Variants in MBP observed in about 807,000 individuals in gnomAD.
MBP encodes the protein Golli-MBP.
In MBP, 16 loss-of-function variants were observed where a neutral mutation model predicts 35.8. The ratio of observed to expected loss-of-function variants is 0.45; its 90% CI spans 0.30 to 0.68. The LOEUF (loss-of-function observed/expected upper bound fraction) is 0.68. MBP is among the 30% of genes least tolerant of loss of function. MBP has a pLI of 0.08. For synonymous variants in MBP, 143 were observed against 159.6 expected (o/e 0.90, Z 0.78); for missense variants, 380 against 404.7 (o/e 0.94, Z 0.52).
chr18:77,036,502 C>T (rs1312153653), intron 3 of MBP, among the ~76,000 whole-genome samples: 1 of 117,564 alleles, frequency 8.5e-6, no homozygotes, highest in Non-Finnish European at 1.7e-5. Context: ...GTGCTGGTCA[C>T]ATTTTGGAGA....
chr18:77,058,556 C>T lies in MBP; in HGVS notation c.139+7742G>A, dbSNP rs930457298. ...GGACGAGCTGTTCCAGCACCACCCCCGCCCCCGCGTGCAGAATCCTGAGCA... is the reference window on the plus strand; with the variant it reads ...GGACGAGCTGTTCCAGCACCACCCCTGCCCCCGCGTGCAGAATCCTGAGCA... On this transcript the variant is annotated intron_variant, in intron 3 of 8. Transcript: ENST00000355994. Among the ~76,000 whole-genome samples the T allele has an allele frequency of 3.9e-5, 6 of 152,216 alleles. No homozygotes were observed. In the East Asian group the frequency reaches 7.7e-4, roughly 20 times the overall value.
intron 3 of MBP, among the ~76,000 whole-genome samples, chr18:77,026,331 G>A (rs1048657760): frequency 4.6e-5 from 7 of 152,200 alleles, no homozygotes; most frequent in Admixed American, 1.3e-4. Context: ...CTAAAGCCAG[G>A]GGTTTTCAGG....
intron 1 of MBP, among the ~76,000 whole-genome samples, chr18:77,119,282 C>A (rs1976814137): frequency 6.6e-6 from 1 of 152,132 alleles, no homozygotes; most frequent in South Asian, 2.1e-4. Flanking sequence ...ACTGCCCGAG[C>A]ACTGTTCTGC....
At chr18:77,084,398 C>T (rs564757005) in intron 2 of MBP, among the ~76,000 whole-genome samples, 1 of 128,734 alleles carries the variant, frequency 7.8e-6, no homozygotes, top group African/African-American at 2.9e-5. Flanking sequence ...TGCAAAAAGA[C>T]CATCACAACA....
At chr18:77,051,301 C>T (rs551270316) in intron 3 of MBP, among the ~76,000 whole-genome samples, 267 of 152,274 alleles carry the variant, frequency 1.8e-3, no homozygotes, top group African/African-American at 5.8e-3. Context: ...CACTTGCGGG[C>T]GAATGACGCG....
chr18:77,129,300 T>C (rs1306689495), intron 1 of MBP, among the ~76,000 whole-genome samples: 6 of 152,244 alleles, frequency 3.9e-5, no homozygotes, highest in Admixed American at 1.3e-4. Flanking sequence ...TAATGGCTAT[T>C]GAGTGTGAGA....
chr18:76,985,027 C>T, intron 7 of MBP, 133 bp from the exon 8 acceptor site: 1 of 1,497,856 alleles, frequency 6.7e-7, no homozygotes, highest in South Asian at 1.2e-5. Flanking sequence ...GTTCAGGAGC[C>T]ACGGGCCAGC....
At chr18:77,077,797 C>A (rs562130402) in intron 2 of MBP, among the ~76,000 whole-genome samples, 1 of 152,342 alleles carries the variant, frequency 6.6e-6, no homozygotes, top group South Asian at 2.1e-4. Flanking sequence ...ACAAAACTAA[C>A]AATTTTCTTT....
chr18:76,984,378 T>C (rs470550), intron 8 of MBP: 118,633 of 221,336 alleles, frequency 0.54, 32,519 homozygotes, highest in East Asian at 0.73. Context: ...TCCTGGGCAT[T>C]CCCTCCCGTG....
chr18:77,098,274 GACTC>G (rs947906911), intron 2 of MBP, among the ~76,000 whole-genome samples: 14 of 148,830 alleles, frequency 9.4e-5, no homozygotes, highest in African/African-American at 3.0e-4. Flanking sequence ...CACACATGTG[GACTC>G]ACTCACTTTA....
intron 7 of MBP, 67 bp from the exon 8 acceptor site, chr18:76,984,961 G>A: frequency 1.3e-6 from 2 of 1,596,420 alleles, no homozygotes; most frequent in Non-Finnish European, 1.7e-6. Flanking sequence ...GAGCCACTGG[G>A]AGCTGCCACC....
intron 2 of MBP, among the ~76,000 whole-genome samples, chr18:77,066,756 G>A (rs1001639036): frequency 6.6e-6 from 1 of 152,260 alleles, no homozygotes; most frequent in African/African-American, 2.4e-5. Context: ...CTGACGCCAG[G>A]CCTTACTCCT....
At chr18:77,085,134 A>C (rs1568332123) in intron 2 of MBP, among the ~76,000 whole-genome samples, 1 of 152,200 alleles carries the variant, frequency 6.6e-6, no homozygotes, top group Non-Finnish European at 1.5e-5. Flanking sequence ...AGAGGAATGC[A>C]ATGGAATACT....
intron 3 of MBP, among the ~76,000 whole-genome samples, chr18:77,022,895 T>C (rs927329466): frequency 9.2e-5 from 14 of 152,258 alleles, no homozygotes; most frequent in African/African-American, 2.9e-4. Context: ...GTCGTTAATA[T>C]TGCCTTCAGT....
intron 1 of MBP, among the ~76,000 whole-genome samples, chr18:77,121,506 C>T (rs563156028): frequency 1.3e-5 from 2 of 152,208 alleles, no homozygotes; most frequent in Admixed American, 6.5e-5. Flanking sequence ...TGAGTTCTCC[C>T]GCCCTGCATA....
intron 3 of MBP, among the ~76,000 whole-genome samples, chr18:77,058,349 G>A (rs1973826434): frequency 6.6e-6 from 1 of 152,206 alleles, no homozygotes; most frequent in South Asian, 2.1e-4. Context: ...CACGCTGCGG[G>A]GAGGCCAAAC....
intron 3 of MBP, among the ~76,000 whole-genome samples, chr18:77,035,658 GA>G (rs1048055785): frequency 1.4e-5 from 2 of 147,694 alleles, no homozygotes; most frequent in Non-Finnish European, 3.0e-5. Flanking sequence ...CGCTGCAGGT[GA>G]AGGGGGGGGG....
At chr18:77,116,821 TG>T (rs1409657372) in intron 1 of MBP, among the ~76,000 whole-genome samples, 2 of 151,868 alleles carry the variant, frequency 1.3e-5, no homozygotes, top group Non-Finnish European at 2.9e-5. Context: ...GAGTCGAGAT[TG>T]GGCCACTGCA....
chr18:77,060,961 C>T (rs542462426), intron 3 of MBP, among the ~76,000 whole-genome samples: 29 of 152,318 alleles, frequency 1.9e-4, no homozygotes, highest in Non-Finnish European at 4.0e-4. Flanking sequence ...AACACAGGCA[C>T]GCAGTGCCTC....
Sources: gnomAD v4.1 joint callset for allele counts (sites outside exome capture counted in the v4.1 genomes callset) on GRCh38, gnomAD v4.1.1 for gene constraint, MANE v1.5 for transcripts, NCBI Gene and HGNC (gene_info 2026-07-23, HGNC 2026-07-21) for gene names.